The following CHST9 variants were observed in gnomAD, a reference collection of about 807,000 sequenced individuals.
The protein encoded by CHST9 is GalNAc-4-sulfotransferase 2.
A neutral mutation model predicts 44.4 loss-of-function variants in CHST9; 41 were observed. That is an observed-to-expected ratio of 0.92 (90% confidence interval 0.72 to 1.20). CHST9 has a LOEUF of 1.20. Ranked by LOEUF, CHST9 falls within the 50% of genes most tolerant of loss-of-function variation. The pLI, the probability that CHST9 is intolerant of heterozygous loss-of-function variation, is 0.00. For missense variants in CHST9, 504 were observed against 516.5 expected, an observed-to-expected ratio of 0.98 and a Z score of 0.23; for synonymous variants, 171 against 178.4, an observed-to-expected ratio of 0.96 and a Z score of 0.33.
chr18:27,006,492 TTTAA>T (rs1448355981), intron 4 of CHST9, among the ~76,000 whole-genome samples: 11 of 152,202 alleles, frequency 7.2e-5, no homozygotes, highest in African/African-American at 2.7e-4. Flanking sequence ...GTTTGGCCTG[TTTAA>T]TTATTTAATT....
At chr18:27,176,576 A>T (rs1035300320) in intron 1 of CHST9, among the ~76,000 whole-genome samples, 8 of 152,056 alleles carry the variant, frequency 5.3e-5, no homozygotes, top group Non-Finnish European at 1.2e-4. Context: ...GACATGTTTC[A>T]TTTGATGTTT....
At chr18:27,133,416 C>G (rs575070868) in intron 2 of CHST9, among the ~76,000 whole-genome samples, 1 of 152,074 alleles carries the variant, frequency 6.6e-6, no homozygotes. Flanking sequence ...GGGGACAGCA[C>G]GTAAGAATAC....
intron 3 of CHST9, among the ~76,000 whole-genome samples, chr18:27,047,388 T>TTGTG (rs55698484): frequency 0.28 from 41,193 of 145,488 alleles, 6,828 homozygotes; most frequent in Non-Finnish European, 0.39. Flanking sequence ...GCCTTCATAA[T>TTGTG]TGTGTGTGTG....
At chr18:27,118,935 A>G (rs994675250) in intron 2 of CHST9, among the ~76,000 whole-genome samples, 4 of 152,232 alleles carry the variant, frequency 2.6e-5, no homozygotes, top group African/African-American at 9.6e-5. Context: ...CTATTTAACC[A>G]TTAATAAAAT....
chr18:26,949,319 G>C (rs932247890), intron 4 of CHST9, among the ~76,000 whole-genome samples: 9 of 152,132 alleles, frequency 5.9e-5, no homozygotes, highest in Non-Finnish European at 1.0e-4. Context: ...GTTTTTATTA[G>C]GGAATCTGGC....
chr18:26,951,420 G>A (rs370839632), intron 4 of CHST9, among the ~76,000 whole-genome samples: 8 of 152,152 alleles, frequency 5.3e-5, no homozygotes, highest in African/African-American at 1.9e-4. Context: ...AGGCCCCTTT[G>A]AGAATCTAAG....
intron 2 of CHST9, among the ~76,000 whole-genome samples, chr18:27,142,309 A>G (rs985658172): frequency 2.0e-5 from 3 of 152,344 alleles, no homozygotes; most frequent in South Asian, 4.1e-4. Context: ...ATATAAATTA[A>G]GACAGAATTA....
Position 26,992,990 on chromosome 18 carries a change from A to C in CHST9, c.202+31126T>G, listed in dbSNP as rs372370937. 2.7e-3 allele frequency among the ~76,000 whole-genome samples: 417 copies of C among 152,298 alleles called. 19 individuals are homozygous for C. The South Asian group carries it at 0.074, about 27-fold the overall frequency. ...ATCTGCAGGCAGACACCCTAAATGC[A>C]GCTCAAATACTTAAACACATCTCAT... On this transcript the variant is annotated intron_variant, in intron 4 of 5. Transcript: ENST00000618847.
At chr18:26,946,320 G>T (rs956260832) in intron 4 of CHST9, among the ~76,000 whole-genome samples, 6 of 152,106 alleles carry the variant, frequency 3.9e-5, no homozygotes, top group Admixed American at 3.3e-4. Context: ...AAGAAGAGGG[G>T]GGAGAACTTT....
chr18:26,948,546 T>C (rs1330922894), intron 4 of CHST9, among the ~76,000 whole-genome samples: 5 of 152,188 alleles, frequency 3.3e-5, no homozygotes, highest in East Asian at 3.9e-4. Context: ...TCTGCAGAAA[T>C]TGAAGAGACA....
rs866640564 is a variant in CHST9, at chr18:27,138,939, C to T, written c.121+3750G>A. On this transcript the variant is annotated intron_variant, in intron 2 of 5. Coordinates refer to ENST00000618847, the MANE Select transcript of CHST9 (RefSeq NM_031422.6). ...AACATATCAACATACTGCAAATTAGCACTAGGAAATGGATAAATTAATGGA... is the reference window on the plus strand; with the variant it reads ...AACATATCAACATACTGCAAATTAGTACTAGGAAATGGATAAATTAATGGA... 5.3e-5 allele frequency among the ~76,000 whole-genome samples: 8 copies of T among 151,860 alleles called. No homozygotes were observed. In the Middle Eastern group the frequency reaches 0.02, roughly 387 times the overall value.
intron 2 of CHST9, among the ~76,000 whole-genome samples, chr18:27,090,075 T>C (rs2058053445): frequency 6.6e-6 from 1 of 152,146 alleles, no homozygotes. Flanking sequence ...CCTCCCACAG[T>C]GCTGGGATTA....
chr18:27,142,497 C>A (rs1030755855), intron 2 of CHST9, among the ~76,000 whole-genome samples, 192 bp downstream of exon 2: 1 of 152,152 alleles, frequency 6.6e-6, no homozygotes, highest in Non-Finnish European at 1.5e-5. Flanking sequence ...CATTGTTAAG[C>A]CACCAAACAA....
chr18:26,962,104 C>T (rs184219499), intron 4 of CHST9, among the ~76,000 whole-genome samples: 2 of 152,196 alleles, frequency 1.3e-5, no homozygotes, highest in Admixed American at 6.5e-5. Context: ...GGAAAAACTG[C>T]CAAAAGGCTC....
intron 2 of CHST9, among the ~76,000 whole-genome samples, chr18:27,101,989 T>A (rs940655732): frequency 1.3e-5 from 2 of 152,218 alleles, no homozygotes; most frequent in Non-Finnish European, 2.9e-5. Flanking sequence ...GGAAAATTTA[T>A]AAAAACTTTG....
At chr18:26,975,517 G>A (rs544279581) in intron 4 of CHST9, among the ~76,000 whole-genome samples, 1 of 151,798 alleles carries the variant, frequency 6.6e-6, no homozygotes, top group African/African-American at 2.4e-5. Flanking sequence ...TTATAAGTGA[G>A]AACATGCAGT....
intron 1 of CHST9, among the ~76,000 whole-genome samples, chr18:27,176,915 C>A (rs2058873246): frequency 6.6e-6 from 1 of 152,024 alleles, no homozygotes; most frequent in African/African-American, 2.4e-5. Flanking sequence ...TAGCAAGTAG[C>A]AAGTGGTATA....
chr18:26,918,870 G>A (rs2055590720), intron 5 of CHST9, among the ~76,000 whole-genome samples: 1 of 151,998 alleles, frequency 6.6e-6, no homozygotes, highest in Non-Finnish European at 1.5e-5. Flanking sequence ...CCGTGTATTA[G>A]TCTGTTCTCA....
intron 4 of CHST9, among the ~76,000 whole-genome samples, chr18:26,969,374 C>CTGTGTGTGTGTGTGTG (rs752526316): frequency 2.0e-5 from 3 of 149,240 alleles, no homozygotes; most frequent in African/African-American, 7.6e-5. Context: ...CTCTCTCTCT[C>CTGTGTGTGTGTGTGTG]TCTGTGTGTG....
Sources: allele counts gnomAD v4.1 joint callset (sites outside exome capture counted in the v4.1 genomes callset), GRCh38; gene constraint gnomAD v4.1.1; transcripts MANE v1.5; gene names NCBI Gene and HGNC (gene_info 2026-07-23, HGNC 2026-07-21).